The following UST variants were observed in gnomAD, a reference collection of about 807,000 sequenced individuals.
UST encodes uronyl 2-sulfotransferase, also known as chondroitin sulfate 2-O-sulfotransferase.
A neutral mutation model predicts 45.6 loss-of-function variants in UST; 21 were observed. The ratio of observed to expected loss-of-function variants is 0.46; its 90% CI spans 0.33 to 0.66. The LOEUF is 0.66. UST is among the 30% of genes least tolerant of loss of function. The probability of loss-of-function intolerance (pLI) is 0.02; values close to 1 mark genes in which losing one functional copy is unlikely to be tolerated. For synonymous variants in UST, 215 were observed against 200.6 expected, an observed-to-expected ratio of 1.07 and a Z score of -0.61; for missense variants, 463 against 512.4, an observed-to-expected ratio of 0.90 and a Z score of 0.93.
intron 1 of UST, among the ~76,000 whole-genome samples, chr6:148,793,332 G>C (rs536674878): frequency 6.6e-6 from 1 of 151,936 alleles, no homozygotes; most frequent in Non-Finnish European, 1.5e-5. Context: ...ATAAAGAAAC[G>C]TACGCAAATC....
chr6:148,907,299 G>A (rs1779382208), intron 2 of UST, among the ~76,000 whole-genome samples: 1 of 152,102 alleles, frequency 6.6e-6, no homozygotes, highest in Non-Finnish European at 1.5e-5. Flanking sequence ...GTATATTGCA[G>A]ACCACAGTTT....
Position 148,789,989 on chromosome 6 carries a change from C to CTTT in UST, c.247+42329_247+42331dup, listed in dbSNP as rs56987468. Among the ~76,000 whole-genome samples, 46 of 127,036 alleles carry CTTT rather than the reference C, an allele frequency of 3.6e-4. 1 individual carries two copies. The highest frequency in any genetic ancestry group is 1.2e-3 in the African/African-American group (40 of 34,394). The allele number at this position is 127,036 out of a possible 152,430, so 83.3% of individuals were successfully genotyped here. The stretch of plus-strand genomic sequence containing the variant: ...TTTCTGTCATCAAGATTTCAGGATT[C>CTTT]TTTTTTTTTTTTTTTTTTTCCAGCT... On this transcript the variant is annotated intron_variant, in intron 1 of 7. Transcript: ENST00000367463.
intron 1 of UST, among the ~76,000 whole-genome samples, chr6:148,785,676 C>A (rs1369562251): frequency 2.0e-5 from 3 of 152,126 alleles, no homozygotes; most frequent in Non-Finnish European, 2.9e-5. Flanking sequence ...TCAAAGCTTA[C>A]TAACACAACT....
intron 1 of UST, among the ~76,000 whole-genome samples, chr6:148,846,556 C>A (rs927883656): frequency 1.3e-5 from 2 of 151,548 alleles, no homozygotes; most frequent in Non-Finnish European, 2.9e-5. Context: ...ATGTAACTAA[C>A]CTGCACATTG....
chr6:149,065,978 G>A (rs1372783486), intron 7 of UST, among the ~76,000 whole-genome samples: 1 of 152,210 alleles, frequency 6.6e-6, no homozygotes. Flanking sequence ...GCCACCCAGG[G>A]AGTAACCAGG....
chr6:148,824,179 C>T (rs548859203), intron 1 of UST, among the ~76,000 whole-genome samples: 12 of 152,264 alleles, frequency 7.9e-5, no homozygotes, highest in African/African-American at 2.4e-4. Context: ...TATTTCTGGA[C>T]GCCTAAGTTC....
chr6:148,876,976 A>C, intron 1 of UST, among the ~76,000 whole-genome samples: 1 of 71,750 alleles, frequency 1.4e-5, no homozygotes, highest in Non-Finnish European at 2.5e-5. Flanking sequence ...GTGGGGGATC[A>C]TGTATGAGTG....
At chr6:148,891,026 C>G (rs906633792) in intron 2 of UST, among the ~76,000 whole-genome samples, 1 of 152,128 alleles carries the variant, frequency 6.6e-6, no homozygotes, top group African/African-American at 2.4e-5. Context: ...GTGTTTTCTC[C>G]AAGTGGTGAG....
chr6:149,066,702 TCTC>T (rs565256529), intron 7 of UST, among the ~76,000 whole-genome samples: 5 of 152,002 alleles, frequency 3.3e-5, no homozygotes, highest in Non-Finnish European at 5.9e-5. Flanking sequence ...AGGAAAAGCT[TCTC>T]CTCCACCCTC....
intron 5 of UST, among the ~76,000 whole-genome samples, chr6:148,981,738 G>A (rs960894385): frequency 6.6e-5 from 10 of 152,174 alleles, no homozygotes; most frequent in Non-Finnish European, 1.0e-4. Flanking sequence ...TGCATCCTTT[G>A]CATATTTTTC....
intron 1 of UST, among the ~76,000 whole-genome samples, chr6:148,782,785 G>A (rs1002794339): frequency 7.2e-5 from 11 of 152,312 alleles, no homozygotes; most frequent in South Asian, 2.1e-4. Flanking sequence ...CAAAAAAGCG[G>A]CTTCTTGAGA....
chr6:148,967,175 C>T (rs1351574958), intron 5 of UST, among the ~76,000 whole-genome samples: 1 of 152,186 alleles, frequency 6.6e-6, no homozygotes, highest in African/African-American at 2.4e-5. Flanking sequence ...GCCTGGAATT[C>T]TGCCCTTAGA....
intron 7 of UST, among the ~76,000 whole-genome samples, chr6:149,069,913 T>C (rs1227124333): frequency 6.6e-6 from 1 of 152,252 alleles, no homozygotes; most frequent in East Asian, 1.9e-4. Flanking sequence ...GGTATTTATA[T>C]GATTACACTT....
intron 1 of UST, among the ~76,000 whole-genome samples, chr6:148,862,247 T>C (rs914254764): frequency 6.6e-6 from 1 of 152,128 alleles, no homozygotes; most frequent in African/African-American, 2.4e-5. Context: ...TTTGCCATTA[T>C]GTAATGGCCT....
At chr6:148,970,171 G>A (rs1780886348) in intron 5 of UST, among the ~76,000 whole-genome samples, 1 of 152,178 alleles carries the variant, frequency 6.6e-6, no homozygotes, top group Non-Finnish European at 1.5e-5. Flanking sequence ...AGACCTGAGG[G>A]TATCCCTGGG....
intron 7 of UST, among the ~76,000 whole-genome samples, chr6:149,039,864 C>T (rs1190247461): frequency 1.3e-5 from 2 of 152,222 alleles, no homozygotes; most frequent in African/African-American, 4.8e-5. Context: ...TTCTTGAAGA[C>T]AGGGGCCATG....
Position 148,795,993 on chromosome 6 carries a change from A to G in UST, c.247+48316A>G, listed in dbSNP as rs575423868. ...AGTTTAGTTAATCTTGTTTAGGCCT[A>G]AAGTAACTGTGGTTTAATCACTGAA... On this transcript the variant is annotated intron_variant, in intron 1 of 7. Coordinates refer to ENST00000367463, the MANE Select transcript of UST (RefSeq NM_005715.3). 2.6e-5 allele frequency among the ~76,000 whole-genome samples: 4 copies of G among 152,318 alleles called. No homozygotes were observed. The East Asian group carries it at 7.7e-4, about 29-fold the overall frequency.
At chr6:148,828,626 C>G (rs1156760495) in intron 1 of UST, among the ~76,000 whole-genome samples, 1 of 152,138 alleles carries the variant, frequency 6.6e-6, no homozygotes, top group African/African-American at 2.4e-5. Context: ...TCACTTTTCT[C>G]ACCTGTAAAA....
chr6:148,873,441 G>A lies in UST; in HGVS notation c.248-13545G>A, dbSNP rs1176464043. Among the ~76,000 whole-genome samples the A allele has an allele frequency of 3.9e-5, 6 of 152,264 alleles. No homozygotes were observed. The East Asian group carries it at 7.7e-4, about 20-fold the overall frequency. On this transcript the variant is annotated intron_variant, in intron 1 of 7. Transcript: ENST00000367463. ...CAGCAGCCCTTTGTCCTCGATGGGCGAGGGACACTCTGCCTGAAGTACACA... is the reference window on the plus strand; with the variant it reads ...CAGCAGCCCTTTGTCCTCGATGGGCAAGGGACACTCTGCCTGAAGTACACA...
Sources: gnomAD v4.1 joint callset for allele counts (sites outside exome capture counted in the v4.1 genomes callset) on GRCh38, gnomAD v4.1.1 for gene constraint, MANE v1.5 for transcripts, NCBI Gene and HGNC (gene_info 2026-07-23, HGNC 2026-07-21) for gene names.